IL17RA: variants seen among roughly 807,000 people sequenced by gnomAD.
The protein encoded by IL17RA is interleukin-17 receptor A.
A neutral mutation model predicts 50.4 loss-of-function variants in IL17RA; 34 were observed. That is an observed-to-expected ratio of 0.67 (90% CI 0.51 to 0.90). IL17RA has a LOEUF of 0.90. Among genes scored for constraint, IL17RA ranks in the 40% least tolerant of loss-of-function variants. The probability of loss-of-function intolerance (pLI) is 0.00; values close to 1 mark genes in which losing one functional copy is unlikely to be tolerated. For synonymous variants in IL17RA, 585 were observed against 510.4 expected, an observed-to-expected ratio of 1.15 and a Z score of -1.97; for missense variants, 1,276 against 1,169.8, an observed-to-expected ratio of 1.09 and a Z score of -1.32.
At position 17,109,854 on chromosome 22, in the gene IL17RA, T is replaced by G. The variant is rs1468488; in HGVS notation, c.*34T>G. The stretch of plus-strand genomic sequence containing the variant: ...CCCCAGGGACCGCCCAGATCCCAGC[T>G]TTGAGAGAGGAGTGTGTGTGCACGT... On this transcript the variant is annotated 3_prime_UTR_variant, in exon 13 of 13. Coordinates refer to ENST00000319363, the MANE Select transcript of IL17RA (RefSeq NM_014339.7). 6.5e-7 allele frequency: 1 copy of G among 1,537,784 alleles called. No individual in the cohort carries two copies.
chr22:17,091,961 A>G (rs571937123), intron 1 of IL17RA, among the ~76,000 whole-genome samples: 2 of 152,190 alleles, frequency 1.3e-5, no homozygotes, highest in South Asian at 4.1e-4. Context: ...TCTTTTATAT[A>G]CTAATGATTC....
At chr22:17,108,175 C>T in intron 12 of IL17RA, 132 bp from the exon 13 acceptor site, 1 of 878,644 alleles carries the variant, frequency 1.1e-6, no homozygotes, top group Non-Finnish European at 1.8e-6. Flanking sequence ...TCCAACAGGC[C>T]TCAGTTGGGT....
At chr22:17,102,915 G>A (rs1170972340) in intron 7 of IL17RA, among the ~76,000 whole-genome samples, 2 of 152,234 alleles carry the variant, frequency 1.3e-5, no homozygotes, top group Admixed American at 6.5e-5. Context: ...GCCAAGGCAG[G>A]TGGATCACTT....
chr22:17,101,928 C>T (rs1043315331), intron 5 of IL17RA, 68 bp from the exon 6 acceptor site: 5 of 1,587,918 alleles, frequency 3.1e-6, no homozygotes, highest in Non-Finnish European at 4.3e-6. Context: ...TTCTTGGTGT[C>T]AGGAGTCTGG....
Position 17,110,968 on chromosome 22 carries a change from C to G in IL17RA, c.*1148C>G, listed in dbSNP as rs2061440061. On this transcript the variant is annotated 3_prime_UTR_variant, in exon 13 of 13. Transcript: ENST00000319363. ...GTGGTTGGGGAAAGCGTAGTCCCAG[C>G]AAGGAAGCAGTTTGTGGGTAAGTGC... 1 of 152,054 alleles carries G rather than the reference C, an allele frequency of 6.6e-6. No individual in the cohort carries two copies. Among genetic ancestry groups the G allele is most frequent in the Non-Finnish European group, 1.5e-5 (1 of 68,160 alleles). The allele number at this position is 152,054 out of a possible 1,614,324, so 9.4% of individuals were successfully genotyped here. A position where few individuals can be genotyped will look rare whatever the true frequency, so the allele number is the denominator to read the frequency against.
chr22:17,090,026 A>AT (rs1039341490), intron 1 of IL17RA, among the ~76,000 whole-genome samples: 5 of 151,110 alleles, frequency 3.3e-5, no homozygotes, highest in South Asian at 2.1e-4. Flanking sequence ...AATTCTATAA[A>AT]TTTTTTTTTT....
chr22:17,085,632 G>A (rs570918941), intron 1 of IL17RA, among the ~76,000 whole-genome samples: 5 of 152,246 alleles, frequency 3.3e-5, no homozygotes, highest in Admixed American at 2.0e-4. Context: ...AGCCAGGACG[G>A]GTCTGGACCC....
intron 7 of IL17RA, among the ~76,000 whole-genome samples, chr22:17,102,788 G>C (rs1217106100): frequency 6.6e-6 from 1 of 152,020 alleles, no homozygotes; most frequent in Non-Finnish European, 1.5e-5. Flanking sequence ...CTGGGGGACA[G>C]AGCGAGACCC....
At chr22:17,100,712 C>G (rs558594334) in intron 5 of IL17RA, among the ~76,000 whole-genome samples, 4 of 152,288 alleles carry the variant, frequency 2.6e-5, no homozygotes, top group Non-Finnish European at 5.9e-5. Context: ...GACGGTGGCC[C>G]AAGATCCCAG....
intron 4 of IL17RA, among the ~76,000 whole-genome samples, chr22:17,100,034 C>T (rs2061384177): frequency 6.6e-6 from 1 of 151,932 alleles, no homozygotes; most frequent in Non-Finnish European, 1.5e-5. Flanking sequence ...CTCTCATACC[C>T]ATTGTCCTAG....
At position 17,100,258 on chromosome 22, in the gene IL17RA, A is replaced by G. The variant is rs893068887; in HGVS notation, c.424-97A>G. ...GTTGCTTTGTTCTTATTTTTGGCTGAATATTCGGGAGTGGGTGGGAACGGG... is the reference window on the plus strand; with the variant it reads ...GTTGCTTTGTTCTTATTTTTGGCTGGATATTCGGGAGTGGGTGGGAACGGG... On this transcript the variant is annotated intron_variant, in intron 4 of 12. Transcript: ENST00000319363. 69 of 1,457,230 alleles carry G rather than the reference A, an allele frequency of 4.7e-5. No homozygotes were observed. In the African/African-American group the frequency reaches 8.6e-4, roughly 18 times the overall value. The allele number at this position is 1,457,230 out of a possible 1,614,324, so 90.3% of individuals were successfully genotyped here.
intron 12 of IL17RA, among the ~76,000 whole-genome samples, 190 bp downstream of exon 12, chr22:17,107,958 T>C (rs2061420961): frequency 6.6e-6 from 1 of 152,116 alleles, no homozygotes; most frequent in Non-Finnish European, 1.5e-5. Context: ...ATTTTTTGAA[T>C]CACTCAGACA....
rs1329348065 is a variant in IL17RA at position 17,111,113 on chromosome 22, G to A, written c.*1293G>A. The A allele has an allele frequency of 6.6e-6, 1 of 152,080 alleles. No homozygotes were observed. Among genetic ancestry groups the A allele is most frequent in the Non-Finnish European group, 1.5e-5 (1 of 68,028 alleles). The allele number at this position is 152,080 out of a possible 1,614,324, so 9.4% of individuals were successfully genotyped here. ...GGGATGTCGCCAGAGCTCAGGGGTG[G>A]GGACAGCCTTGTGCGCATCAGTCCT... On this transcript the variant is annotated 3_prime_UTR_variant, in exon 13 of 13. Coordinates refer to ENST00000319363, the MANE Select transcript of IL17RA (RefSeq NM_014339.7).
Position 17,110,206 on chromosome 22 carries a change from G to T in IL17RA, c.*386G>T. On this transcript the variant is annotated 3_prime_UTR_variant, in exon 13 of 13. Coordinates refer to ENST00000319363, the MANE Select transcript of IL17RA (RefSeq NM_014339.7). ...CGCTAGTGCCGAGGACACGTTAAAC[G>T]AACAGGATGGGCCGGGCACGGTGGC... is the stretch of plus-strand genomic sequence containing the variant. The T allele has an allele frequency of 3.1e-6, 1 of 318,632 alleles. No individual in the cohort carries two copies. The highest frequency in any genetic ancestry group is 6.0e-6 in the Non-Finnish European group (1 of 166,026). The allele number at this position is 318,632 out of a possible 1,614,324, so 19.7% of individuals were successfully genotyped here. A position where few individuals can be genotyped will look rare whatever the true frequency, so the allele number is the denominator to read the frequency against.
intron 1 of IL17RA, 94 bp from the exon 2 acceptor site, chr22:17,096,968 C>T (rs745959520): frequency 6.3e-5 from 70 of 1,118,964 alleles, no homozygotes; most frequent in Non-Finnish European, 9.3e-5. Context: ...GTGTAGATGG[C>T]ATTCCTGAGA....
Position 17,104,767 on chromosome 22 carries a change from A to G in IL17RA, c.888A>G (p.Arg296=). The change falls in exon 9 of 13, where the codon AGA becomes AGG. Residue 296 remains arginine, a synonymous_variant. Coordinates refer to ENST00000319363, the MANE Select transcript of IL17RA (RefSeq NM_014339.7). The stretch of plus-strand genomic sequence containing the variant: ...GCAGCTGCCTCAATGACTGCCTCAG[A>G]CACTCCGCGACTGTTTCCTGCCCAG... The part of the protein sequence containing the change: ...FFSSCLNDCL[R]HSATVSCPEM... 1 of 1,614,082 alleles carries G rather than the reference A, an allele frequency of 6.2e-7. No homozygotes were observed. The highest frequency in any genetic ancestry group is 1.3e-5 in the African/African-American group (1 of 75,008).
At chr22:17,088,175 G>C (rs554572171) in intron 1 of IL17RA, among the ~76,000 whole-genome samples, 1 of 152,184 alleles carries the variant, frequency 6.6e-6, no homozygotes, top group Non-Finnish European at 1.5e-5. Context: ...GGCTGTGCTT[G>C]TAAGTTCAAA....
chr22:17,100,078 C>A (rs1382442945), intron 4 of IL17RA, among the ~76,000 whole-genome samples: 1 of 148,462 alleles, frequency 6.7e-6, no homozygotes, highest in Non-Finnish European at 1.5e-5. Context: ...GGTGGGACTA[C>A]TTCCACTTTC....
chr22:17,105,623 G>T (rs187020487), intron 10 of IL17RA, 21 bp downstream of exon 10: 1 of 1,612,622 alleles, frequency 6.2e-7, no homozygotes, highest in Non-Finnish European at 8.5e-7. Flanking sequence ...ATCTCTCTCC[G>T]ACAGCACTGC....
Sources: allele counts gnomAD v4.1 joint callset (sites outside exome capture counted in the v4.1 genomes callset), GRCh38; gene constraint gnomAD v4.1.1; transcripts MANE v1.5; gene names NCBI Gene and HGNC (gene_info 2026-07-23, HGNC 2026-07-21).